The following METTL25 variants were observed in gnomAD, a reference collection of about 807,000 sequenced individuals.
METTL25 encodes the protein probable methyltransferase-like protein 25.
In METTL25, 64 loss-of-function variants were observed where a neutral mutation model predicts 71.6. The ratio of observed to expected loss-of-function variants is 0.89; its 90% CI spans 0.73 to 1.10. The LOEUF (loss-of-function observed/expected upper bound fraction) is 1.10. Ranked by LOEUF, METTL25 falls within the 50% of genes least tolerant of loss-of-function variation. The pLI is 0.00. For synonymous variants in METTL25, 287 were observed against 250.3 expected (o/e 1.15, Z -1.38); for missense variants, 807 against 707.0 (o/e 1.14, Z -1.60).
At chr12:82,457,832 AAGG>A (rs1421060956) in intron 9 of METTL25, among the ~76,000 whole-genome samples, 6 of 152,096 alleles carry the variant, frequency 3.9e-5, no homozygotes, top group African/African-American at 7.2e-5. Context: ...TGCATAAATG[AAGG>A]AGAATAGACA....
chr12:82,434,631 G>A (rs557361849), intron 6 of METTL25, 64 bp from the exon 7 acceptor site: 9 of 1,246,092 alleles, frequency 7.2e-6, no homozygotes, highest in Middle Eastern at 1.9e-4. Context: ...CTCTTATACA[G>A]TGTGTTTATA....
chr12:82,366,402 C>G (rs988404653), intron 1 of METTL25, among the ~76,000 whole-genome samples: 7 of 152,166 alleles, frequency 4.6e-5, no homozygotes, highest in Admixed American at 3.9e-4. Context: ...TGCTGCTTCT[C>G]CTGTTTCACA....
At chr12:82,364,678 A>G (rs533487023) in intron 1 of METTL25, among the ~76,000 whole-genome samples, 2 of 152,328 alleles carry the variant, frequency 1.3e-5, no homozygotes, top group South Asian at 4.1e-4. Context: ...AGCACCTAGC[A>G]TAGAACTGAG....
intron 3 of METTL25, among the ~76,000 whole-genome samples, chr12:82,390,307 T>C (rs1885453541): frequency 1.3e-5 from 2 of 152,074 alleles, no homozygotes; most frequent in African/African-American, 4.8e-5. Flanking sequence ...CAAGCTGTGG[T>C]CTGGGATACC....
intron 5 of METTL25, among the ~76,000 whole-genome samples, chr12:82,416,297 G>C (rs1275342669): frequency 2.0e-5 from 3 of 152,004 alleles, no homozygotes; most frequent in African/African-American, 7.2e-5. Context: ...TTTAAGAGCA[G>C]AGCAATTTTT....
rs546630795 is a variant in METTL25, at chr12:82,439,767, A to T, written c.1478+976A>T. 1.0e-4 allele frequency: 50 copies of T among 487,490 alleles called. No homozygotes were observed. In the South Asian group the frequency reaches 3.8e-3, roughly 37 times the overall value. The allele number at this position is 487,490 out of a possible 1,614,324, so 30.2% of individuals were successfully genotyped here. On this transcript the variant is annotated intron_variant, in intron 8 of 11. Transcript: ENST00000248306. ...TTCCTTCTCTTATATTTACCCTAAG[A>T]TGCTAACCTTGTTGAAAAAAGCCAT...
At chr12:82,363,928 T>A (rs889919072) in intron 1 of METTL25, among the ~76,000 whole-genome samples, 4 of 152,176 alleles carry the variant, frequency 2.6e-5, no homozygotes, top group Admixed American at 6.5e-5. Context: ...TAAATATGTT[T>A]AAAGAGCTCC....
At chr12:82,478,771 G>A (rs1287556508) in intron 11 of METTL25, among the ~76,000 whole-genome samples, 161 bp from the exon 12 acceptor site, 1 of 151,806 alleles carries the variant, frequency 6.6e-6, no homozygotes, top group Non-Finnish European at 1.5e-5. Flanking sequence ...TTTTTTGAAG[G>A]TGTAATTGTG....
intron 9 of METTL25, among the ~76,000 whole-genome samples, chr12:82,466,188 A>G (rs1376567662): frequency 6.6e-6 from 1 of 151,002 alleles, no homozygotes; most frequent in Non-Finnish European, 1.5e-5. Flanking sequence ...TAGGTTCTTT[A>G]TTTGAAATCT....
chr12:82,436,804 T>C (rs749496931), intron 7 of METTL25, among the ~76,000 whole-genome samples: 5 of 151,562 alleles, frequency 3.3e-5, no homozygotes, highest in Non-Finnish European at 7.4e-5. Context: ...ATTTTAACTA[T>C]TTTTAGGCGT....
At chr12:82,419,343 T>C (rs1888262074) in intron 5 of METTL25, among the ~76,000 whole-genome samples, 1 of 152,104 alleles carries the variant, frequency 6.6e-6, no homozygotes, top group Non-Finnish European at 1.5e-5. Flanking sequence ...ATCTCTAAAA[T>C]TACTAACTCC....
intron 8 of METTL25, chr12:82,439,772 A>C (rs772351047): frequency 4.1e-4 from 223 of 540,896 alleles, no homozygotes; most frequent in Non-Finnish European, 4.8e-4. Flanking sequence ...CTAAGATGCT[A>C]ACCTTGTTGA....
chr12:82,368,905 A>C (rs996431302), intron 1 of METTL25, among the ~76,000 whole-genome samples: 1 of 152,202 alleles, frequency 6.6e-6, no homozygotes, highest in Admixed American at 6.5e-5. Flanking sequence ...AGATGGGTGA[A>C]ATAATTTGAT....
chr12:82,427,708 G>C (rs947936206), intron 5 of METTL25, among the ~76,000 whole-genome samples: 3 of 151,910 alleles, frequency 2.0e-5, no homozygotes, highest in Non-Finnish European at 4.4e-5. Context: ...TTAGAACAGA[G>C]ATGTTTTATG....
At chr12:82,366,309 C>T (rs1882566991) in intron 1 of METTL25, among the ~76,000 whole-genome samples, 1 of 152,142 alleles carries the variant, frequency 6.6e-6, no homozygotes, top group South Asian at 2.1e-4. Flanking sequence ...AGCTTCTGTG[C>T]CTGCCAAAGC....
intron 7 of METTL25, among the ~76,000 whole-genome samples, chr12:82,434,941 T>C (rs1430385861): frequency 6.6e-6 from 1 of 151,578 alleles, no homozygotes; most frequent in East Asian, 1.9e-4. Context: ...TATGCTCTTA[T>C]ACTACTCATT....
intron 8 of METTL25, among the ~76,000 whole-genome samples, chr12:82,453,128 A>G (rs770406463): frequency 1.3e-5 from 2 of 152,226 alleles, no homozygotes; most frequent in Non-Finnish European, 2.9e-5. Context: ...AAGTCTAGCA[A>G]TAAATGACTT....
chr12:82,416,812 G>A (rs548101507), intron 5 of METTL25, among the ~76,000 whole-genome samples: 1 of 152,100 alleles, frequency 6.6e-6, no homozygotes, highest in Admixed American at 6.6e-5. Flanking sequence ...CCGGTAACAT[G>A]TAAGTACTTC....
intron 9 of METTL25, among the ~76,000 whole-genome samples, chr12:82,475,752 G>A (rs1446341841): frequency 1.3e-5 from 2 of 152,008 alleles, no homozygotes; most frequent in Non-Finnish European, 2.9e-5. Context: ...CATTTGTTAT[G>A]TAATACTTAT....
Sources: allele counts gnomAD v4.1 joint callset (sites outside exome capture counted in the v4.1 genomes callset), GRCh38; gene constraint gnomAD v4.1.1; transcripts MANE v1.5; gene names NCBI Gene and HGNC (gene_info 2026-07-23, HGNC 2026-07-21).